Variants in DPH5 observed in about 807,000 individuals in gnomAD.
The protein encoded by DPH5 is diphthine methyl ester synthase.
Under a neutral mutation model 31.6 loss-of-function variants are expected in DPH5, and 31 were observed. The ratio of observed to expected loss-of-function variants is 0.98; its 90% CI spans 0.74 to 1.32. The LOEUF (loss-of-function observed/expected upper bound fraction) is 1.32. Among genes scored for constraint, DPH5 ranks in the 40% most tolerant of loss-of-function variants. The pLI is 0.00. For synonymous variants in DPH5, 120 were observed against 115.0 expected (o/e 1.04, Z -0.28); for missense variants, 309 against 335.7 (o/e 0.92, Z 0.62).
chr1:101,007,817 G>T (rs950672856), intron 4 of DPH5, among the ~76,000 whole-genome samples: 1 of 149,812 alleles, frequency 6.7e-6, no homozygotes, highest in African/African-American at 2.4e-5. Context: ...GAAAAATCTC[G>T]GATTTATTAA....
intron 3 of DPH5, among the ~76,000 whole-genome samples, chr1:101,018,225 T>C (rs1261188027): frequency 1.3e-5 from 2 of 150,516 alleles, no homozygotes; most frequent in African/African-American, 4.9e-5. Context: ...CCAATTTGAA[T>C]ATACAAAATT....
intron 3 of DPH5, among the ~76,000 whole-genome samples, chr1:101,019,110 T>C (rs1294090066): frequency 6.6e-6 from 1 of 152,200 alleles, no homozygotes; most frequent in Non-Finnish European, 1.5e-5. Context: ...AGAACCATCA[T>C]TAGAAACAGT....
chr1:100,992,645 T>C lies in DPH5; in HGVS notation c.626A>G (p.Glu209Gly). ...EIVQNQRIRG[E>G]EPAVTEETLC... ...TCTAGTGTCTTGAGTACCTGGTTCT[T>C]CTCCTCGTATTCTTTGATTTTGAAC... Residue 209 changes from glutamate (E) to glycine (G), a missense_variant, in exon 7 of 8, where the codon GAA (glutamate) becomes GGA (glycine). By Grantham distance (98) the Glu-to-Gly change is moderately conservative (BLOSUM62 -2). Transcript: ENST00000370109. 1 of 1,613,694 alleles carries C rather than the reference T, an allele frequency of 6.2e-7. No individual in the cohort carries two copies. Among genetic ancestry groups the C allele is most frequent in the African/African-American group, 1.3e-5 (1 of 75,028 alleles).
At chr1:101,016,386 T>G (rs1660078335) in intron 3 of DPH5, among the ~76,000 whole-genome samples, 1 of 151,942 alleles carries the variant, frequency 6.6e-6, no homozygotes, top group East Asian at 1.9e-4. Context: ...CATACATAAC[T>G]TGGCTGTTTG....
chr1:100,989,748 C>T lies in DPH5; in HGVS notation c.*660G>A, dbSNP rs1657502870. 6.6e-6 allele frequency: 1 copy of T among 152,224 alleles called. No individual in the cohort carries two copies. Among genetic ancestry groups the T allele is most frequent in the South Asian group, 2.1e-4 (1 of 4,828 alleles). 9.4% of individuals were successfully genotyped at this position (152,224 alleles called of 1,614,324 possible). On this transcript the variant is annotated 3_prime_UTR_variant, in exon 8 of 8. Transcript: ENST00000370109. ...TAAGTTATATTCTGTTAACAACCAC[C>T]TTGTATAAATTGGTTTCATAAATAA...
chr1:101,017,248 G>A (rs1660148015), intron 3 of DPH5, among the ~76,000 whole-genome samples: 1 of 152,110 alleles, frequency 6.6e-6, no homozygotes, highest in Non-Finnish European at 1.5e-5. Context: ...AATAAAACGA[G>A]GTATGCCTGT....
chr1:101,009,836 C>T (rs887068967), intron 4 of DPH5, among the ~76,000 whole-genome samples: 1 of 152,328 alleles, frequency 6.6e-6, no homozygotes, highest in African/African-American at 2.4e-5. Flanking sequence ...GTCACTCTTT[C>T]CCTTGCCTGC....
At chr1:101,021,245 A>T (rs1184294505) in intron 3 of DPH5, among the ~76,000 whole-genome samples, 1 of 152,206 alleles carries the variant, frequency 6.6e-6, no homozygotes, top group Non-Finnish European at 1.5e-5. Flanking sequence ...AAGGAAAAAA[A>T]ACCTAGGACA....
intron 3 of DPH5, among the ~76,000 whole-genome samples, chr1:101,020,944 C>T (rs1660395214): frequency 6.6e-6 from 1 of 152,032 alleles, no homozygotes. Context: ...AAAAGTTTAC[C>T]ACTGTATTTA....
chr1:101,024,474 T>C (rs975933324), intron 2 of DPH5, among the ~76,000 whole-genome samples: 5 of 152,220 alleles, frequency 3.3e-5, no homozygotes, highest in African/African-American at 7.2e-5. Flanking sequence ...TTTAAATGCA[T>C]GGCCAATTCA....
intron 3 of DPH5, among the ~76,000 whole-genome samples, chr1:101,016,139 G>A (rs180941695): frequency 6.6e-6 from 1 of 152,188 alleles, no homozygotes; most frequent in Non-Finnish European, 1.5e-5. Flanking sequence ...CAGATCACGA[G>A]GTCAGGAGAT....
intron 4 of DPH5, among the ~76,000 whole-genome samples, chr1:101,008,462 C>A (rs887137634): frequency 6.6e-6 from 1 of 152,212 alleles, no homozygotes; most frequent in Non-Finnish European, 1.5e-5. Flanking sequence ...TTAGTTACTG[C>A]CTAGGCAAGA....
At position 100,990,517 on chromosome 1, in the gene DPH5, T is replaced by A. The variant is rs1338763563; in HGVS notation, c.749A>T (p.His250Leu). ...MCTVDLGEPL[H>L]SLIITGGSIH... ...GCTGCCTCCTGTGATGATCAAGGAA[T>A]GCAATGGTTCTCCCAAGTCCACAGT... is the stretch of plus-strand genomic sequence containing the variant. Residue 250 changes from histidine (H) to leucine (L), a missense_variant, in exon 8 of 8, where the codon CAT (histidine) becomes CTT (leucine). By Grantham distance (99) the His-to-Leu change is moderately conservative. Coordinates refer to ENST00000370109, the MANE Select transcript of DPH5 (RefSeq NM_015958.3). 2.5e-6 allele frequency: 4 copies of A among 1,614,062 alleles called. No homozygotes were observed. Among genetic ancestry groups the A allele is most frequent in the Non-Finnish European group, 3.4e-6 (4 of 1,180,026 alleles).
rs114368532 is a variant in DPH5, at chr1:101,010,346, G to A, written c.369+3364C>T. On this transcript the variant is annotated intron_variant, in intron 4 of 7. Coordinates refer to ENST00000370109, the MANE Select transcript of DPH5 (RefSeq NM_015958.3). ...TTATGGCAAGTCTGTAAGATAGTGT[G>A]TATCAACTGGCTGTGTGTGTGAATG... 7.7e-3 allele frequency among the ~76,000 whole-genome samples: 1,179 copies of A among 152,248 alleles called. 17 individuals carry two copies. The highest frequency in any genetic ancestry group is 0.027 in the African/African-American group (1,105 of 41,550).
intron 3 of DPH5, among the ~76,000 whole-genome samples, chr1:101,015,837 G>A (rs1192291554): frequency 6.6e-6 from 1 of 152,028 alleles, no homozygotes; most frequent in Non-Finnish European, 1.5e-5. Context: ...AACCAACCTC[G>A]GCTAGCTTGG....
At chr1:101,017,364 G>A (rs1660154835) in intron 3 of DPH5, among the ~76,000 whole-genome samples, 1 of 149,304 alleles carries the variant, frequency 6.7e-6, no homozygotes, top group South Asian at 2.1e-4. Flanking sequence ...TTTTTATTTG[G>A]TTACTGTGTG....
At position 100,990,536 on chromosome 1, in the gene DPH5, C is replaced by A; in HGVS notation, c.730G>T (p.Asp244Tyr). 1 of 1,614,172 alleles carries A rather than the reference C, an allele frequency of 6.2e-7. No individual in the cohort carries two copies. ...AAGGAATGCAATGGTTCTCCCAAGT[C>A]CACAGTGCACATTTGCCTTAAAGTG... ...AGTLRQMCTV[D>Y]LGEPLHSLII... The change falls in exon 8 of 8, where the codon GAC becomes TAC. Residue 244 changes from aspartate (D) to tyrosine (Y), a missense_variant. Transcript: ENST00000370109.
At chr1:100,996,180 G>GAATGTGGCCTCCCTAT (rs1658331240) in intron 5 of DPH5, 3 of 152,118 alleles carry the variant, frequency 2.0e-5, no homozygotes, top group African/African-American at 7.2e-5. Flanking sequence ...CTGTTATTAA[G>GAATGTGGCCTCCCTAT]AATGTGGCCT....
chr1:100,990,393 G>A lies in DPH5; in HGVS notation c.*15C>T, dbSNP rs1400582390. On this transcript the variant is annotated 3_prime_UTR_variant, in exon 8 of 8. Coordinates refer to ENST00000370109, the MANE Select transcript of DPH5 (RefSeq NM_015958.3). ...ATGGCTGAAATTTACATCAGACAAT[G>A]GTAAATATCTATGTTCAAAGTCCAT... 6.2e-7 allele frequency: 1 copy of A among 1,607,452 alleles called. No homozygotes were observed.
Sources: allele counts gnomAD v4.1 joint callset (sites outside exome capture counted in the v4.1 genomes callset), GRCh38; gene constraint gnomAD v4.1.1; transcripts MANE v1.5; gene names NCBI Gene and HGNC (gene_info 2026-07-23, HGNC 2026-07-21).